ABCG2: variants seen among roughly 807,000 people sequenced by gnomAD.
The protein encoded by ABCG2 is ATP binding cassette subfamily G member 2 (JR blood group).
A neutral mutation model predicts 73.5 loss-of-function variants in ABCG2; 80 were observed. That is an observed-to-expected ratio of 1.09 (90% CI 0.91 to 1.31). The LOEUF (loss-of-function observed/expected upper bound fraction) is 1.31, where lower values mean the gene tolerates loss of function less well. Ranked by LOEUF, ABCG2 falls within the 50% of genes most tolerant of loss-of-function variation. ABCG2 has a pLI of 0.00. For synonymous variants in ABCG2, 269 were observed against 282.4 expected, an observed-to-expected ratio of 0.95 and a Z score of 0.48; for missense variants, 796 against 786.2, an observed-to-expected ratio of 1.01 and a Z score of -0.15.
Position 88,136,296 on chromosome 4 carries a change from G to A in ABCG2, c.203+3497C>T, listed in dbSNP as rs1253150117. On this transcript the variant is annotated intron_variant, in intron 2 of 15. Coordinates refer to ENST00000237612, the MANE Select transcript of ABCG2 (RefSeq NM_004827.3). ...TCTTCTCTAGGTCTCACTCCACTGA[G>A]AAAGCCTAGAAACAATGACATCCCA... Among the ~76,000 whole-genome samples the A allele has an allele frequency of 2.0e-5, 3 of 152,154 alleles. No homozygotes were observed. In the East Asian group the frequency reaches 5.8e-4, roughly 29 times the overall value.
chr4:88,228,219 G>A (rs1730307043), intron 1 of ABCG2, among the ~76,000 whole-genome samples: 1 of 152,134 alleles, frequency 6.6e-6, no homozygotes, highest in Non-Finnish European at 1.5e-5. Flanking sequence ...GTTCCCTAGG[G>A]GAACTCTATT....
rs180724363 is a variant in ABCG2, at chr4:88,139,128, G to A, written c.203+665C>T. ...TGCACTCCAGCCTGGGTGATAGAGC[G>A]AGACTCCCTCTCAAAAAAAAAAAAA... On this transcript the variant is annotated intron_variant, in intron 2 of 15. Coordinates refer to ENST00000237612, the MANE Select transcript of ABCG2 (RefSeq NM_004827.3). 7.1e-4 allele frequency among the ~76,000 whole-genome samples: 106 copies of A among 148,566 alleles called. 1 individual carries two copies. In the East Asian group the frequency reaches 0.017, roughly 24 times the overall value.
chr4:88,145,667 C>T (rs925817313), intron 1 of ABCG2, among the ~76,000 whole-genome samples: 4 of 152,104 alleles, frequency 2.6e-5, no homozygotes, highest in Admixed American at 6.6e-5. Context: ...AGGCCAGGTG[C>T]GGTGGCTCTT....
At chr4:88,142,678 G>A (rs977978581) in intron 1 of ABCG2, among the ~76,000 whole-genome samples, 4 of 152,128 alleles carry the variant, frequency 2.6e-5, no homozygotes, top group Non-Finnish European at 5.9e-5. Context: ...CAGGCGTGGT[G>A]GTTCACACCT....
chr4:88,167,061 A>G (rs1727550539), intron 1 of ABCG2, among the ~76,000 whole-genome samples: 2 of 152,104 alleles, frequency 1.3e-5, no homozygotes, highest in Admixed American at 1.3e-4. Context: ...ATTATCTCCC[A>G]ATTGTGGAGG....
intron 1 of ABCG2, among the ~76,000 whole-genome samples, chr4:88,221,338 G>A (rs1263026196): frequency 3.9e-5 from 6 of 152,166 alleles, no homozygotes; most frequent in African/African-American, 9.6e-5. Flanking sequence ...GCATGAGAAC[G>A]GACTAATACA....
At chr4:88,162,891 G>C (rs1560730211), upstream of ABCG2, among the ~76,000 whole-genome samples, 1 of 152,134 alleles carries the variant, frequency 6.6e-6, no homozygotes, top group Non-Finnish European at 1.5e-5. Context: ...CCAGGCAAGA[G>C]TCACTGCCCA....
chr4:88,113,465 C>T lies in ABCG2; in HGVS notation c.1032G>A (p.Glu344=). 1.2e-6 allele frequency: 2 copies of T among 1,614,096 alleles called. No individual in the cohort carries two copies. The highest frequency in any genetic ancestry group is 8.5e-7 in the Non-Finnish European group (1 of 1,180,024). ...AAAGTTGATGTAATTCAGCTTTTGT[C>T]TCTTTGTAGAAGGAGGAGTTGACAT... ...EIYVNSSFYK[E]TKAELHQLSG... The change falls in exon 9 of 16, where the codon GAG becomes GAA. Residue 344 remains glutamate, a synonymous_variant. Coordinates refer to ENST00000237612, the MANE Select transcript of ABCG2 (RefSeq NM_004827.3).
At chr4:88,176,160 T>TTTTTTC (rs1727963032) in intron 1 of ABCG2, among the ~76,000 whole-genome samples, 1 of 151,722 alleles carries the variant, frequency 6.6e-6, no homozygotes. Context: ...TATTCTTGTT[T>TTTTTTC]TTTTTTTCTT....
At chr4:88,217,891 C>T (rs1050809382) in intron 1 of ABCG2, among the ~76,000 whole-genome samples, 2 of 151,268 alleles carry the variant, frequency 1.3e-5, no homozygotes, top group African/African-American at 2.4e-5. Context: ...GCTTGAGCCC[C>T]GGTGTTTGAG....
rs140597960 is a variant in ABCG2 at position 88,185,234 on chromosome 4, G to A, written c.-19-45220C>T. Among the ~76,000 whole-genome samples, 218 of 152,178 alleles carry A rather than the reference G, an allele frequency of 1.4e-3. 2 individuals carry two copies. Among genetic ancestry groups the A allele is most frequent in the Middle Eastern group, 6.8e-3 (2 of 294 alleles). On this transcript the variant is annotated intron_variant, in intron 1 of 15. Coordinates refer to the ABCG2 transcript ENST00000515655. ...AAAACATTAGCTGGGCGTGGTTGTG[G>A]GCACCTGTAATCCCAGCTACTCGTG...
chr4:88,219,204 C>T (rs4491984), intron 1 of ABCG2, among the ~76,000 whole-genome samples: 58,173 of 152,066 alleles, frequency 0.38, 11,883 homozygotes, highest in South Asian at 0.54. Context: ...CATTTACTAA[C>T]ACAACCTCCA....
At chr4:88,167,088 G>A (rs2110090244) in intron 1 of ABCG2, among the ~76,000 whole-genome samples, 1 of 152,178 alleles carries the variant, frequency 6.6e-6, no homozygotes, top group South Asian at 2.1e-4. Flanking sequence ...GTCTAGGCTA[G>A]GTTAGGCTTT....
rs2231154 is a variant in ABCG2, at chr4:88,101,190, C to T, written c.1367+40G>A. On this transcript the variant is annotated intron_variant, in intron 11 of 15. Coordinates refer to ENST00000237612, the MANE Select transcript of ABCG2 (RefSeq NM_004827.3). ...TAATCAGTCTAACCAATAGCCCCTG[C>T]TGCTGGACAGCCCCGTTCCCAGAAC... 784 of 1,580,604 alleles carry T rather than the reference C, an allele frequency of 5.0e-4. 1 individual carries two copies. Among genetic ancestry groups the T allele is most frequent in the Admixed American group, 7.8e-4 (47 of 59,878 alleles).
intron 5 of ABCG2, among the ~76,000 whole-genome samples, chr4:88,122,483 G>C (rs1048015891): frequency 6.6e-5 from 10 of 152,144 alleles, no homozygotes; most frequent in Admixed American, 6.5e-4. Flanking sequence ...AGCTTGGTGG[G>C]GGGAGGGGCA....
intron 1 of ABCG2, among the ~76,000 whole-genome samples, chr4:88,216,342 T>G (rs1298394533): frequency 6.6e-6 from 1 of 152,220 alleles, no homozygotes; most frequent in East Asian, 1.9e-4. Flanking sequence ...GGGAATATTT[T>G]TGTGCCGCGT....
chr4:88,175,113 T>A (rs555257849), intron 1 of ABCG2, among the ~76,000 whole-genome samples: 1 of 152,252 alleles, frequency 6.6e-6, no homozygotes, highest in Non-Finnish European at 1.5e-5. Flanking sequence ...TACTTTATTA[T>A]GGCAGCCCAG....
intron 9 of ABCG2, among the ~76,000 whole-genome samples, chr4:88,112,004 T>A (rs1341110465): frequency 6.6e-6 from 1 of 151,894 alleles, no homozygotes; most frequent in Non-Finnish European, 1.5e-5. Context: ...TGAGGATCGC[T>A]TGAGCCAAGA....
At chr4:88,168,560 GAA>G (rs377316378) in intron 1 of ABCG2, among the ~76,000 whole-genome samples, 1 of 140,894 alleles carries the variant, frequency 7.1e-6, no homozygotes, top group Non-Finnish European at 1.5e-5. Flanking sequence ...AGACTGCAGT[GAA>G]AAAAAAAAAA....
Sources: gnomAD v4.1 joint callset for allele counts (sites outside exome capture counted in the v4.1 genomes callset) on GRCh38, gnomAD v4.1.1 for gene constraint, MANE v1.5 for transcripts, NCBI Gene and HGNC (gene_info 2026-07-23, HGNC 2026-07-21) for gene names.